The following MTMR2 variants were observed in gnomAD, a reference collection of about 807,000 sequenced individuals.
MTMR2 encodes myotubularin related protein 2.
Under a neutral mutation model 86.9 loss-of-function variants are expected in MTMR2, and 55 were observed. The observed-to-expected ratio is 0.63, with a 90% CI of 0.51 to 0.79. The LOEUF is 0.79. Ranked by LOEUF, MTMR2 falls within the 30% of genes least tolerant of loss-of-function variation. MTMR2 has a pLI of 0.00. For synonymous variants in MTMR2, 241 were observed against 266.8 expected, an observed-to-expected ratio of 0.90 and a Z score of 0.94; for missense variants, 659 against 772.3, an observed-to-expected ratio of 0.85 and a Z score of 1.74.
chr11:95,853,818 C>T (rs662168), intron 7 of MTMR2, among the ~76,000 whole-genome samples: 64,224 of 151,982 alleles, frequency 0.42, 13,905 homozygotes, highest in Middle Eastern at 0.48. Flanking sequence ...CAGTGAACCA[C>T]AGGAAGTTTC....
chr11:95,883,780 A>G (rs1272034221), intron 2 of MTMR2, among the ~76,000 whole-genome samples: 2 of 152,228 alleles, frequency 1.3e-5, no homozygotes, highest in Non-Finnish European at 2.9e-5. Flanking sequence ...TTTGAATACA[A>G]AATTCTTAAC....
At chr11:95,841,003 A>C (rs1339336911) in intron 12 of MTMR2, among the ~76,000 whole-genome samples, 1 of 152,306 alleles carries the variant, frequency 6.6e-6, no homozygotes, top group East Asian at 1.9e-4. Flanking sequence ...TCATTAATAA[A>C]GTGATCTCAC....
At position 95,833,757 on chromosome 11, in the gene MTMR2, T is replaced by TAATTA. The variant is rs1863128409; in HGVS notation, c.*1528_*1532dup. ...TACTTGGAGTAGAAAGCTTAATTTT[T>TAATTA]AATTACTGATTTGCTAGCCACTTAA... On this transcript the variant is annotated 3_prime_UTR_variant, in exon 15 of 15. Coordinates refer to ENST00000346299, the MANE Select transcript of MTMR2 (RefSeq NM_016156.6). The TAATTA allele has an allele frequency of 6.6e-6, 1 of 152,112 alleles. No individual in the cohort carries two copies. The highest frequency in any genetic ancestry group is 2.4e-5 in the African/African-American group (1 of 41,434). 9.4% of individuals were successfully genotyped at this position (152,112 alleles called of 1,614,324 possible). A position where few individuals can be genotyped will look rare whatever the true frequency, so the allele number is the denominator to read the frequency against.
intron 1 of MTMR2, among the ~76,000 whole-genome samples, chr11:95,903,087 T>C (rs1005611672): frequency 2.0e-5 from 3 of 152,196 alleles, no homozygotes; most frequent in Admixed American, 1.3e-4. Context: ...CGAATTCCTC[T>C]TCCGCAATGA....
rs751046295 is a variant in MTMR2 at position 95,862,271 on chromosome 11, C to T, written c.357+1G>A. 6.2e-7 allele frequency: 1 copy of T among 1,613,266 alleles called. No homozygotes were observed. Among genetic ancestry groups the T allele is most frequent in the East Asian group, 2.2e-5 (1 of 44,840 alleles). ...ATACAAAAATCTAATCTGACTCTTA[C>T]CCGTTCCATGCTTTTGAAATATAAC... On this transcript the variant is annotated splice_donor_variant, in intron 4 of 14. Transcript: ENST00000346299. LOFTEE classifies it high-confidence loss of function.
At chr11:95,889,133 CTT>C (rs374185094) in intron 1 of MTMR2, among the ~76,000 whole-genome samples, 1 of 143,558 alleles carries the variant, frequency 7.0e-6, no homozygotes, top group Non-Finnish European at 1.5e-5. Context: ...TCCTATAGAA[CTT>C]TTTTTTTTTT....
At chr11:95,918,248 T>C (rs1420701816) in intron 1 of MTMR2, among the ~76,000 whole-genome samples, 1 of 152,200 alleles carries the variant, frequency 6.6e-6, no homozygotes. Flanking sequence ...CCTGGAAAGC[T>C]TGCTAAAACA....
intron 1 of MTMR2, among the ~76,000 whole-genome samples, chr11:95,908,451 A>G (rs1023977745): frequency 6.6e-6 from 1 of 152,138 alleles, no homozygotes; most frequent in African/African-American, 2.4e-5. Context: ...TTCCTACCAA[A>G]TTACCAATGA....
At chr11:95,853,853 A>C (rs1864112727) in intron 7 of MTMR2, among the ~76,000 whole-genome samples, 1 of 152,160 alleles carries the variant, frequency 6.6e-6, no homozygotes, top group Non-Finnish European at 1.5e-5. Flanking sequence ...TTAGTTTCTG[A>C]AGTTTTCTTA....
chr11:95,845,394 C>G (rs1406787931), intron 10 of MTMR2, among the ~76,000 whole-genome samples: 1 of 152,090 alleles, frequency 6.6e-6, no homozygotes, highest in East Asian at 1.9e-4. Context: ...ATAGCCAAAT[C>G]AAAAGTACCT....
In MTMR2 at chr11:95,863,705, T is replaced by C. The variant is rs371343255; in HGVS notation, c.263-1339A>G. Among the ~76,000 whole-genome samples the C allele has an allele frequency of 9.9e-5, 15 of 152,258 alleles. No individual in the cohort carries two copies. In the East Asian group the frequency reaches 2.7e-3, roughly 27 times the overall value. ...CCTATATCCCACCACAGGAATGTCATTCTCAGGCCAGTGCTTTTCTGTTAC... is the reference window on the plus strand; with the variant it reads ...CCTATATCCCACCACAGGAATGTCACTCTCAGGCCAGTGCTTTTCTGTTAC... On this transcript the variant is annotated intron_variant, in intron 3 of 14. Transcript: ENST00000346299.
At chr11:95,876,446 T>C (rs75182698) in intron 2 of MTMR2, among the ~76,000 whole-genome samples, 1 of 152,184 alleles carries the variant, frequency 6.6e-6, no homozygotes, top group African/African-American at 2.4e-5. Context: ...CTTTCTCTTA[T>C]TGGGTCAAAA....
intron 1 of MTMR2, among the ~76,000 whole-genome samples, chr11:95,916,832 T>G (rs1296519547): frequency 6.6e-6 from 1 of 152,176 alleles, no homozygotes; most frequent in Non-Finnish European, 1.5e-5. Flanking sequence ...AGAATAAATA[T>G]TCACCAGTGA....
chr11:95,905,958 G>C (rs184648726), intron 1 of MTMR2, among the ~76,000 whole-genome samples: 38 of 152,222 alleles, frequency 2.5e-4, no homozygotes, highest in South Asian at 4.2e-4. Flanking sequence ...AGGCATCGTG[G>C]TTCCGCCTGT....
chr11:95,895,873 T>A (rs1865863467), intron 1 of MTMR2, among the ~76,000 whole-genome samples: 1 of 152,080 alleles, frequency 6.6e-6, no homozygotes, highest in Admixed American at 6.6e-5. Context: ...TACATGAATG[T>A]TCATAGCAGC....
chr11:95,888,040 C>G (rs1865573405), intron 2 of MTMR2, 116 bp downstream of exon 2: 1 of 785,708 alleles, frequency 1.3e-6, no homozygotes, highest in Admixed American at 2.3e-5. Context: ...TTTTGTAGAC[C>G]GGGATCTATG....
intron 1 of MTMR2, among the ~76,000 whole-genome samples, chr11:95,893,386 C>G (rs928781559): frequency 1.3e-5 from 2 of 152,006 alleles, no homozygotes; most frequent in Non-Finnish European, 1.5e-5. Context: ...ATTTAACTTT[C>G]TTAACTTTCC....
intron 12 of MTMR2, among the ~76,000 whole-genome samples, chr11:95,838,450 T>G (rs2135408519): frequency 6.6e-6 from 1 of 152,198 alleles, no homozygotes; most frequent in East Asian, 1.9e-4. Flanking sequence ...GGCTGAATTT[T>G]GACTTAGGCA....
At chr11:95,904,207 CCAG>C (rs1286874355) in intron 1 of MTMR2, among the ~76,000 whole-genome samples, 2 of 152,170 alleles carry the variant, frequency 1.3e-5, no homozygotes, top group Non-Finnish European at 2.9e-5. Context: ...GAAAATCTCT[CCAG>C]CAATTCTCTC....
Sources: gnomAD v4.1 joint callset for allele counts (sites outside exome capture counted in the v4.1 genomes callset) on GRCh38, gnomAD v4.1.1 for gene constraint, MANE v1.5 for transcripts, NCBI Gene and HGNC (gene_info 2026-07-23, HGNC 2026-07-21) for gene names.